Variants in ACYP2 observed in about 807,000 individuals in gnomAD.
ACYP2 encodes the protein acylphosphatase-2.
In ACYP2, 12 loss-of-function variants were observed where a neutral mutation model predicts 11.2. The observed-to-expected ratio is 1.08, with a 90% CI of 0.69 to 1.74. The LOEUF (loss-of-function observed/expected upper bound fraction) is 1.74, where lower values mean the gene tolerates loss of function less well. Ranked by LOEUF, ACYP2 falls within the 40% of genes most tolerant of loss-of-function variation. The pLI is 0.00. For missense variants in ACYP2, 134 were observed against 101.9 expected, an observed-to-expected ratio of 1.31 and a Z score of -1.35; for synonymous variants, 43 against 32.2, an observed-to-expected ratio of 1.33 and a Z score of -1.13.
At chr2:54,140,369 G>A (rs567089125) in intron 6 of ACYP2, among the ~76,000 whole-genome samples, 116 of 152,162 alleles carry the variant, frequency 7.6e-4, no homozygotes, top group Non-Finnish European at 1.6e-3. Context: ...CCACATTATA[G>A]AGGGTCATTG....
At chr2:54,109,299 G>A (rs1679330676) in intron 4 of ACYP2, among the ~76,000 whole-genome samples, 1 of 152,160 alleles carries the variant, frequency 6.6e-6, no homozygotes, top group Non-Finnish European at 1.5e-5. Flanking sequence ...TCTAAGTGAA[G>A]TAACCCAGGA....
chr2:54,097,390 A>T (rs548680294), intron 4 of ACYP2, among the ~76,000 whole-genome samples: 3 of 152,388 alleles, frequency 2.0e-5, no homozygotes, highest in African/African-American at 7.2e-5. Flanking sequence ...TGCAGGACTC[A>T]GTAAGTATTC....
intron 2 of ACYP2, among the ~76,000 whole-genome samples, chr2:53,973,963 A>G (rs967722730): frequency 7.1e-6 from 1 of 141,248 alleles, no homozygotes; most frequent in Non-Finnish European, 1.5e-5. Flanking sequence ...CTGGAGTGCA[A>G]TGGATCCATC....
chr2:54,297,992 G>T (rs897542862), intron 6 of ACYP2, among the ~76,000 whole-genome samples: 3 of 152,160 alleles, frequency 2.0e-5, no homozygotes, highest in Non-Finnish European at 4.4e-5. Flanking sequence ...CACAAACACG[G>T]ACATTTAAAA....
intron 6 of ACYP2, among the ~76,000 whole-genome samples, chr2:54,187,580 G>A (rs1572906397): frequency 6.6e-6 from 1 of 152,178 alleles, no homozygotes; most frequent in Non-Finnish European, 1.5e-5. Context: ...AAGGTCCAGG[G>A]ACATACATCA....
intron 6 of ACYP2, among the ~76,000 whole-genome samples, chr2:54,151,057 A>T (rs992476569): frequency 2.6e-5 from 4 of 152,156 alleles, no homozygotes; most frequent in African/African-American, 9.7e-5. Context: ...GTGTTTCTAT[A>T]CAGAGCTGAT....
intron 6 of ACYP2, among the ~76,000 whole-genome samples, chr2:54,295,374 A>AT (rs1689483420): frequency 6.6e-6 from 1 of 152,118 alleles, no homozygotes; most frequent in African/African-American, 2.4e-5. Context: ...TGAGTAAAAT[A>AT]TTTTCTGAGT....
chr2:54,101,571 G>C (rs2103702325), intron 4 of ACYP2, among the ~76,000 whole-genome samples: 2 of 151,932 alleles, frequency 1.3e-5, no homozygotes, highest in Middle Eastern at 3.4e-3. Context: ...CTACTCAGGA[G>C]GCTGAGGCTG....
chr2:53,998,524 T>C (rs929910962), intron 2 of ACYP2, among the ~76,000 whole-genome samples: 3 of 152,100 alleles, frequency 2.0e-5, no homozygotes, highest in African/African-American at 7.2e-5. Context: ...CACATAAAAG[T>C]TTATTTCCAG....
At chr2:54,048,810 G>T (rs1326900948) in intron 2 of ACYP2, among the ~76,000 whole-genome samples, 2 of 152,240 alleles carry the variant, frequency 1.3e-5, no homozygotes, top group Non-Finnish European at 2.9e-5. Context: ...GGAAGTGACA[G>T]ACTTGGCTCT....
In ACYP2 at chr2:54,209,590, A is replaced by G. The variant is rs1411824149; in HGVS notation, c.404+70842A>G. ...GGAATGGTTCATTCCTTCATTTCGC[A>G]AACATTTATTACGCTTCTCAGTTGT... is the stretch of plus-strand genomic sequence containing the variant. On this transcript the variant is annotated intron_variant, in intron 6 of 6. Coordinates refer to ENST00000607452, the MANE Select transcript of ACYP2 (RefSeq NM_001320586.2). Among the ~76,000 whole-genome samples, 6 of 152,198 alleles carry G rather than the reference A, an allele frequency of 3.9e-5. No homozygotes were observed. In the East Asian group the frequency reaches 1.2e-3, roughly 29 times the overall value.
chr2:54,089,349 T>C (rs183555883), intron 4 of ACYP2, among the ~76,000 whole-genome samples: 25 of 152,252 alleles, frequency 1.6e-4, no homozygotes, highest in African/African-American at 5.8e-4. Flanking sequence ...CCTAGCACTT[T>C]GTGAGGCCAA....
At chr2:54,197,826 A>G (rs1039194462) in intron 6 of ACYP2, among the ~76,000 whole-genome samples, 1 of 152,180 alleles carries the variant, frequency 6.6e-6, no homozygotes, top group Admixed American at 6.5e-5. Context: ...GGTAAGAAAC[A>G]TATTTTATTG....
intron 6 of ACYP2, among the ~76,000 whole-genome samples, chr2:54,268,408 C>T (rs1229475413): frequency 5.3e-5 from 8 of 152,114 alleles, no homozygotes; most frequent in South Asian, 2.1e-4. Context: ...TACACTATTC[C>T]ATTCCATATT....
intron 4 of ACYP2, among the ~76,000 whole-genome samples, chr2:54,128,266 G>C (rs1179888106): frequency 1.3e-5 from 2 of 152,204 alleles, no homozygotes; most frequent in African/African-American, 4.8e-5. Context: ...TTGATGGACA[G>C]ATCCCTGATC....
rs56817782 is a variant in ACYP2 at position 54,038,673 on chromosome 2, C to CTATATATA, written c.63-12252_63-12245dup. 3.1e-3 allele frequency among the ~76,000 whole-genome samples: 332 copies of CTATATATA among 105,998 alleles called. 4 individuals are homozygous for CTATATATA. The highest frequency in any genetic ancestry group is 3.9e-3 in the East Asian group (14 of 3,632). 69.5% of individuals were successfully genotyped at this position (105,998 alleles called of 152,430 possible). ...TCATTCAATAAATCTTTATTGAATACTATATATATATATATATATATATAT... is the reference window on the plus strand; with the variant it reads ...TCATTCAATAAATCTTTATTGAATACTATATATATATATATATATATATATATATATAT... On this transcript the variant is annotated intron_variant, in intron 2 of 6. Transcript: ENST00000607452.
chr2:54,184,723 TG>T (rs1268796858), intron 6 of ACYP2, among the ~76,000 whole-genome samples: 3 of 152,196 alleles, frequency 2.0e-5, no homozygotes, highest in African/African-American at 7.2e-5. Context: ...TAGCCCTTGC[TG>T]AAATACATGT....
At chr2:54,065,726 G>T in intron 4 of ACYP2, 1 of 385,120 alleles carries the variant, frequency 2.6e-6, no homozygotes, top group Admixed American at 4.5e-5. Flanking sequence ...GCCGGAAAGT[G>T]ATATGAAGCA....
chr2:54,029,703 T>G, intron 2 of ACYP2: 1 of 556,090 alleles, frequency 1.8e-6, no homozygotes, highest in South Asian at 1.5e-5. Flanking sequence ...GTTAATTCTC[T>G]TGGCAGGAAT....
Sources: allele counts gnomAD v4.1 joint callset (sites outside exome capture counted in the v4.1 genomes callset), GRCh38; gene constraint gnomAD v4.1.1; transcripts MANE v1.5; gene names NCBI Gene and HGNC (gene_info 2026-07-23, HGNC 2026-07-21).